The following LHFPL3 variants were observed in gnomAD, a reference collection of about 807,000 sequenced individuals.
The protein encoded by LHFPL3 is LHFPL tetraspan subfamily member 3 protein.
LHFPL3 carries 5 observed loss-of-function variants against 19.3 expected under a neutral mutation model. The ratio of observed to expected loss-of-function variants is 0.26; its 90% CI spans 0.14 to 0.54. The LOEUF is 0.54. Among genes scored for constraint, LHFPL3 ranks in the 20% least tolerant of loss-of-function variants. The pLI is 0.94. For synonymous variants in LHFPL3, 133 were observed against 126.2 expected (o/e 1.05, Z -0.36); for missense variants, 249 against 307.4 (o/e 0.81, Z 1.42).
At chr7:104,630,107 C>T (rs992246898) in intron 1 of LHFPL3, among the ~76,000 whole-genome samples, 20 of 152,114 alleles carry the variant, frequency 1.3e-4, no homozygotes, top group African/African-American at 4.8e-4. Context: ...AAGAGAAAGT[C>T]CTTGCTTTTG....
intron 2 of LHFPL3, among the ~76,000 whole-genome samples, chr7:104,861,229 C>T (rs1387648740): frequency 6.6e-6 from 1 of 152,032 alleles, no homozygotes; most frequent in East Asian, 1.9e-4. Context: ...ACATTTTGCC[C>T]CCCTAAGAGG....
chr7:104,462,849 G>A (rs1157339226), intron 1 of LHFPL3, among the ~76,000 whole-genome samples: 1 of 152,040 alleles, frequency 6.6e-6, no homozygotes, highest in Non-Finnish European at 1.5e-5. Flanking sequence ...CTAGAATTCG[G>A]CTGTGACTCC....
chr7:104,693,232 T>G (rs1239566756), intron 1 of LHFPL3, among the ~76,000 whole-genome samples: 1 of 152,176 alleles, frequency 6.6e-6, no homozygotes, highest in African/African-American at 2.4e-5. Context: ...AACTACCTTG[T>G]TTTTGATTTC....
intron 1 of LHFPL3, among the ~76,000 whole-genome samples, chr7:104,499,253 C>G (rs1793551767): frequency 6.6e-6 from 1 of 152,234 alleles, no homozygotes; most frequent in African/African-American, 2.4e-5. Flanking sequence ...AGAAACACCA[C>G]TTAACCTTCA....
intron 1 of LHFPL3, among the ~76,000 whole-genome samples, chr7:104,389,641 T>C (rs897963600): frequency 1.3e-5 from 2 of 152,140 alleles, no homozygotes; most frequent in East Asian, 3.8e-4. Context: ...TTTAAGACAG[T>C]GTGGTTCTGA....
At chr7:104,836,692 T>C (rs1791102030) in intron 2 of LHFPL3, among the ~76,000 whole-genome samples, 1 of 152,220 alleles carries the variant, frequency 6.6e-6, no homozygotes, top group African/African-American at 2.4e-5. Context: ...AAGTTCACTA[T>C]GCTCTGCTAC....
At chr7:104,532,414 G>T (rs1209675353) in intron 1 of LHFPL3, among the ~76,000 whole-genome samples, 3 of 140,740 alleles carry the variant, frequency 2.1e-5, no homozygotes, top group Non-Finnish European at 3.0e-5. Flanking sequence ...TCCTAACTTG[G>T]CTTCCCAAAG....
At chr7:104,780,667 C>T (rs1470520632) in intron 2 of LHFPL3, among the ~76,000 whole-genome samples, 1 of 152,152 alleles carries the variant, frequency 6.6e-6, no homozygotes, top group Non-Finnish European at 1.5e-5. Context: ...ACTTTGACAG[C>T]TGGTCCACAG....
At chr7:104,878,873 T>G (rs1288215821) in intron 2 of LHFPL3, among the ~76,000 whole-genome samples, 1 of 152,246 alleles carries the variant, frequency 6.6e-6, no homozygotes, top group African/African-American at 2.4e-5. Flanking sequence ...TTTAAGGGAT[T>G]GTTATGGTTA....
intron 1 of LHFPL3, among the ~76,000 whole-genome samples, chr7:104,585,480 A>ACACACACACACACACAC (rs1790551501): frequency 2.2e-4 from 27 of 123,448 alleles, no homozygotes; most frequent in South Asian, 2.1e-3. Context: ...AACACACACA[A>ACACACACACACACACAC]ACACACACAC....
chr7:104,339,637 A>G (rs968926772), intron 1 of LHFPL3, among the ~76,000 whole-genome samples: 3 of 152,186 alleles, frequency 2.0e-5, no homozygotes, highest in East Asian at 1.9e-4. Flanking sequence ...TTCAATATGC[A>G]TTTTCACCAT....
At chr7:104,529,552 T>G (rs1356012052) in intron 1 of LHFPL3, among the ~76,000 whole-genome samples, 1 of 152,156 alleles carries the variant, frequency 6.6e-6, no homozygotes, top group East Asian at 1.9e-4. Flanking sequence ...GATGAGAACG[T>G]ATGTCAAATA....
At chr7:104,510,789 T>G (rs1793796514) in intron 1 of LHFPL3, among the ~76,000 whole-genome samples, 1 of 152,132 alleles carries the variant, frequency 6.6e-6, no homozygotes, top group Non-Finnish European at 1.5e-5. Flanking sequence ...ACTACGTATT[T>G]GAAAAAGGAA....
chr7:104,562,810 G>A (rs1334415427), intron 1 of LHFPL3, among the ~76,000 whole-genome samples: 9 of 150,784 alleles, frequency 6.0e-5, no homozygotes, highest in Non-Finnish European at 1.3e-4. Flanking sequence ...CATCTTTGTG[G>A]TTTTATCTAC....
chr7:104,833,311 TATATATATATTATATATATAATAGG>T lies in LHFPL3; in HGVS notation c.683-72865_683-72841del, dbSNP rs1340494640. On this transcript the variant is annotated intron_variant, in intron 2 of 2. Transcript: ENST00000424859. ...TATATATATTATATATATAATAGGATATATATATATTATATATATAATAGGATATATATATATTATATATATAATA... is the reference window on the plus strand; with the variant it reads ...TATATATATTATATATATAATAGGATATATATATATATTATATATATAATA... Among the ~76,000 whole-genome samples, 36 of 20,514 alleles carry T rather than the reference TATATATATATTATATATATAATAGG, an allele frequency of 1.8e-3. 6 individuals carry two copies. The highest frequency in any genetic ancestry group is 8.7e-3 in the East Asian group (4 of 462). The allele number at this position is 20,514 out of a possible 152,430, so 13.5% of individuals were successfully genotyped here.
intron 1 of LHFPL3, among the ~76,000 whole-genome samples, chr7:104,726,431 C>T (rs752247406): frequency 1.4e-4 from 22 of 152,150 alleles, no homozygotes; most frequent in Middle Eastern, 3.4e-3. Context: ...ATCAAGCCGT[C>T]ACCTAGGTAT....
chr7:104,488,677 G>A (rs1793282594), intron 1 of LHFPL3, among the ~76,000 whole-genome samples: 1 of 152,190 alleles, frequency 6.6e-6, no homozygotes, highest in South Asian at 2.1e-4. Flanking sequence ...GGTCCAGGAT[G>A]TTCAGACAGT....
chr7:104,569,202 C>G (rs1169821536), intron 1 of LHFPL3, among the ~76,000 whole-genome samples: 1 of 152,060 alleles, frequency 6.6e-6, no homozygotes, highest in Non-Finnish European at 1.5e-5. Flanking sequence ...CATGGTGTCT[C>G]TTATGTTTAT....
intron 2 of LHFPL3, among the ~76,000 whole-genome samples, chr7:104,740,838 A>C (rs974161659): frequency 6.6e-6 from 1 of 152,220 alleles, no homozygotes; most frequent in African/African-American, 2.4e-5. Context: ...CATATCAGCC[A>C]CCATATAGAT....
Sources: gnomAD v4.1 joint callset for allele counts (sites outside exome capture counted in the v4.1 genomes callset) on GRCh38, gnomAD v4.1.1 for gene constraint, MANE v1.5 for transcripts, NCBI Gene and HGNC (gene_info 2026-07-23, HGNC 2026-07-21) for gene names.